The following XKR4 variants were observed in gnomAD, a reference collection of about 807,000 sequenced individuals.
XKR4 encodes XK related 4.
A neutral mutation model predicts 53.9 loss-of-function variants in XKR4; 12 were observed. The observed-to-expected ratio is 0.22, with a 90% confidence interval of 0.14 to 0.36. The LOEUF (loss-of-function observed/expected upper bound fraction) is 0.36, where lower values mean the gene tolerates loss of function less well. Ranked by LOEUF, XKR4 falls within the 10% of genes least tolerant of loss-of-function variation. The probability of loss-of-function intolerance (pLI) is 1.00; values close to 1 mark genes in which losing one functional copy is unlikely to be tolerated. For missense variants in XKR4, 799 were observed against 859.5 expected (o/e 0.93, Z 0.88); for synonymous variants, 354 against 362.4 (o/e 0.98, Z 0.26).
At chr8:55,520,166 T>A (rs1806778684) in intron 2 of XKR4, among the ~76,000 whole-genome samples, 1 of 152,234 alleles carries the variant, frequency 6.6e-6, no homozygotes, top group African/African-American at 2.4e-5. Flanking sequence ...AAGAACTAAG[T>A]GTTCTGTGGC....
chr8:55,507,778 T>C (rs1412747467), intron 2 of XKR4, among the ~76,000 whole-genome samples: 1 of 152,204 alleles, frequency 6.6e-6, no homozygotes, highest in Non-Finnish European at 1.5e-5. Flanking sequence ...TTCCAAGTCT[T>C]TGCTATTGTG....
chr8:55,110,778 T>A (rs987427750), intron 1 of XKR4, among the ~76,000 whole-genome samples: 5 of 152,170 alleles, frequency 3.3e-5, no homozygotes, highest in African/African-American at 1.2e-4. Flanking sequence ...GAAAATATAC[T>A]TATATATGGA....
At chr8:55,340,203 G>A (rs1187858254) in intron 1 of XKR4, among the ~76,000 whole-genome samples, 2 of 152,212 alleles carry the variant, frequency 1.3e-5, no homozygotes, top group African/African-American at 2.4e-5. Context: ...ATGGTTTAAA[G>A]TCCTTTATAT....
In XKR4 at chr8:55,533,383, T is replaced by C. The variant is rs1486248206; in HGVS notation, c.*9156T>C. The C allele has an allele frequency of 1.3e-5, 2 of 152,204 alleles. No homozygotes were observed. Among genetic ancestry groups the C allele is most frequent in the Non-Finnish European group, 2.9e-5 (2 of 68,036 alleles). 9.4% of individuals were successfully genotyped at this position (152,204 alleles called of 1,614,324 possible). On this transcript the variant is annotated 3_prime_UTR_variant, in exon 3 of 3. Coordinates refer to ENST00000327381, the MANE Select transcript of XKR4 (RefSeq NM_052898.2). ...AGAATTGTCATTTTATATCATTCTT[T>C]CAAAAAATTAAAATATTCAACTTCC... is the stretch of plus-strand genomic sequence containing the variant.
chr8:55,253,660 G>A (rs776603824), intron 1 of XKR4, among the ~76,000 whole-genome samples: 65 of 151,972 alleles, frequency 4.3e-4, no homozygotes, highest in Non-Finnish European at 1.2e-4. Context: ...GAGGCAAAGG[G>A]GTTATTGTTT....
intron 1 of XKR4, among the ~76,000 whole-genome samples, chr8:55,153,469 AG>A (rs1816865240): frequency 6.6e-6 from 1 of 152,318 alleles, no homozygotes; most frequent in East Asian, 1.9e-4. Flanking sequence ...GCCAGAGAAA[AG>A]AAGAGGAGGA....
At chr8:55,148,390 G>A (rs944374839) in intron 1 of XKR4, among the ~76,000 whole-genome samples, 4 of 151,776 alleles carry the variant, frequency 2.6e-5, no homozygotes, top group Non-Finnish European at 5.9e-5. Flanking sequence ...GGGTAACAGA[G>A]GAAGACCCTG....
At chr8:55,328,180 C>T (rs1310854253) in intron 1 of XKR4, among the ~76,000 whole-genome samples, 2 of 152,146 alleles carry the variant, frequency 1.3e-5, no homozygotes. Context: ...CTGCCCTTGA[C>T]ACGTGGAGGT....
intron 1 of XKR4, among the ~76,000 whole-genome samples, chr8:55,290,537 G>A (rs1434439964): frequency 6.6e-6 from 1 of 152,052 alleles, no homozygotes; most frequent in Non-Finnish European, 1.5e-5. Context: ...TAGGTATTAA[G>A]CCCAACATGC....
intron 1 of XKR4, among the ~76,000 whole-genome samples, chr8:55,336,155 T>C (rs1219420526): frequency 6.6e-6 from 1 of 151,846 alleles, no homozygotes; most frequent in Non-Finnish European, 1.5e-5. Flanking sequence ...ACAATTCCCA[T>C]GTGTCGTGGG....
At chr8:55,484,417 T>C (rs1433847948) in intron 2 of XKR4, among the ~76,000 whole-genome samples, 1 of 152,128 alleles carries the variant, frequency 6.6e-6, no homozygotes, top group African/African-American at 2.4e-5. Context: ...GCAAAAACCA[T>C]TGACAAAATA....
At chr8:55,307,023 T>A (rs1286229706) in intron 1 of XKR4, among the ~76,000 whole-genome samples, 4 of 149,466 alleles carry the variant, frequency 2.7e-5, no homozygotes, top group African/African-American at 9.8e-5. Flanking sequence ...ATGTACATTT[T>A]AAACCTATAC....
intron 2 of XKR4, among the ~76,000 whole-genome samples, chr8:55,501,455 A>C (rs1329798557): frequency 5.4e-5 from 8 of 147,218 alleles, no homozygotes; most frequent in Non-Finnish European, 1.2e-4. Flanking sequence ...ACTAACTGTT[A>C]ATTCTCCCCT....
chr8:55,441,968 C>A (rs1805275613), intron 2 of XKR4, among the ~76,000 whole-genome samples: 1 of 150,436 alleles, frequency 6.6e-6, no homozygotes, highest in South Asian at 2.1e-4. Flanking sequence ...AATAATAAGC[C>A]CAAAGAAAAT....
intron 2 of XKR4, chr8:55,449,995 G>A (rs1443251100): frequency 6.1e-6 from 5 of 816,014 alleles, no homozygotes; most frequent in African/African-American, 1.7e-5. Context: ...CATACCCAGC[G>A]AGCAGCGGTG....
chr8:55,521,697 C>T (rs1039954749), intron 2 of XKR4, among the ~76,000 whole-genome samples: 4 of 152,168 alleles, frequency 2.6e-5, no homozygotes, highest in Non-Finnish European at 4.4e-5. Flanking sequence ...TTGGAGTTCA[C>T]CTTACTCAAC....
Position 55,540,530 on chromosome 8 carries a change from A to G in XKR4, c.*16303A>G, listed in dbSNP as rs543543509. 1 of 152,218 alleles carries G rather than the reference A, an allele frequency of 6.6e-6. No individual in the cohort carries two copies. Among genetic ancestry groups the G allele is most frequent in the African/African-American group, 2.4e-5 (1 of 41,458 alleles). 9.4% of individuals were successfully genotyped at this position (152,218 alleles called of 1,614,324 possible). A position where few individuals can be genotyped will look rare whatever the true frequency, so the allele number is the denominator to read the frequency against. On this transcript the variant is annotated 3_prime_UTR_variant, in exon 3 of 3. Transcript: ENST00000327381. ...ATTCTTGGATGAGAACCTTGCCTCT[A>G]CTAAATAGTTTCTGCTTTTCCTCTC...
intron 1 of XKR4, among the ~76,000 whole-genome samples, chr8:55,109,012 A>T (rs1816196294): frequency 6.6e-6 from 1 of 152,162 alleles, no homozygotes; most frequent in South Asian, 2.1e-4. Flanking sequence ...GCTCCATAGT[A>T]AGTGCTGAAC....
At chr8:55,503,857 T>C (rs1156267848) in intron 2 of XKR4, among the ~76,000 whole-genome samples, 1 of 152,152 alleles carries the variant, frequency 6.6e-6, no homozygotes, top group South Asian at 2.1e-4. Context: ...TGGCCTTTAT[T>C]ATGATGAGGT....
Sources: allele counts gnomAD v4.1 joint callset (sites outside exome capture counted in the v4.1 genomes callset), GRCh38; gene constraint gnomAD v4.1.1; transcripts MANE v1.5; gene names NCBI Gene and HGNC (gene_info 2026-07-23, HGNC 2026-07-21).